ZNF285: variants seen among roughly 807,000 people sequenced by gnomAD.
The protein encoded by ZNF285 is zinc finger protein 285A.
ZNF285 carries 4 observed loss-of-function variants against 6.2 expected under a neutral mutation model. That is an observed-to-expected ratio of 0.65 (90% CI 0.32 to 1.49). The LOEUF is 1.49. ZNF285 is among the 40% of genes most tolerant of loss of function. ZNF285 has a pLI of 0.07. For missense variants in ZNF285, 695 were observed against 708.8 expected, an observed-to-expected ratio of 0.98 and a Z score of 0.22; for synonymous variants, 240 against 245.8, an observed-to-expected ratio of 0.98 and a Z score of 0.22.
intron 3 of ZNF285, among the ~76,000 whole-genome samples, chr19:44,391,618 T>A (rs879506775): frequency 6.6e-6 from 1 of 151,892 alleles, no homozygotes; most frequent in Non-Finnish European, 1.5e-5. Context: ...TTCACTCTCA[T>A]GAGAACAGCA....
At chr19:44,391,218 G>T (rs143111402) in intron 3 of ZNF285, among the ~76,000 whole-genome samples, 2,052 of 151,908 alleles carry the variant, frequency 0.014, 43 homozygotes, top group African/African-American at 0.046. Context: ...TGTGAGACAT[G>T]GCTTTCACCT....
At position 44,387,517 on chromosome 19, in the gene ZNF285, T is replaced by C. The variant is rs1326485239; in HGVS notation, c.728A>G (p.Asp243Gly). 6 of 1,613,876 alleles carry C rather than the reference T, an allele frequency of 3.7e-6. No homozygotes were observed. Among genetic ancestry groups the C allele is most frequent in the South Asian group, 1.1e-5 (1 of 91,074 alleles). Residue 243 changes from aspartate to glycine, a missense_variant, in exon 4 of 4, where the codon GAT (aspartate) becomes GGT (glycine). Physicochemically the swap from Asp to Gly is moderately conservative, Grantham distance 94 (BLOSUM62 -1). Coordinates refer to ENST00000614994, the MANE Select transcript of ZNF285 (RefSeq NM_152354.6). ...GTGATGGACATGAGGATCTGTATCA[T>C]CTGCAAAGGCCACCCCACAGTTATT... The part of the protein sequence containing the change: ...PCNNCGVAFA[D>G]DTDPHVHHST...
At position 44,386,286 on chromosome 19, in the gene ZNF285, G is replaced by A; in HGVS notation, c.*186C>T. 1.6e-6 allele frequency: 1 copy of A among 633,832 alleles called. No homozygotes were observed. The highest frequency in any genetic ancestry group is 3.0e-5 in the Admixed American group (1 of 33,000). The allele number at this position is 633,832 out of a possible 1,614,324, so 39.3% of individuals were successfully genotyped here. A position where few individuals can be genotyped will look rare whatever the true frequency, so the allele number is the denominator to read the frequency against. On this transcript the variant is annotated 3_prime_UTR_variant, in exon 4 of 4. Coordinates refer to ENST00000614994, the MANE Select transcript of ZNF285 (RefSeq NM_152354.6). ...CATTGTAGCATACAGCAGTTGATGGGAGCTTCACAGAAGTTCTTGAAATCC... is the reference window on the plus strand; with the variant it reads ...CATTGTAGCATACAGCAGTTGATGGAAGCTTCACAGAAGTTCTTGAAATCC...
chr19:44,389,209 G>C (rs2123268197), intron 3 of ZNF285, among the ~76,000 whole-genome samples: 1 of 151,978 alleles, frequency 6.6e-6, no homozygotes, highest in East Asian at 1.9e-4. Flanking sequence ...TGGCACCCAG[G>C]GAAGCAAGAC....
At chr19:44,395,848 T>C (rs1971271635) in intron 2 of ZNF285, among the ~76,000 whole-genome samples, 2 of 152,112 alleles carry the variant, frequency 1.3e-5, no homozygotes, top group African/African-American at 4.8e-5. Flanking sequence ...CTCTTGTCCC[T>C]CTGTCTTCAC....
intron 3 of ZNF285, among the ~76,000 whole-genome samples, chr19:44,390,074 T>A (rs1236615167): frequency 6.6e-6 from 1 of 152,160 alleles, no homozygotes; most frequent in African/African-American, 2.4e-5. Context: ...TTCCCACGTG[T>A]CGTGTCCCAT....
chr19:44,386,958 C>A lies in ZNF285; in HGVS notation c.1287G>T (p.Arg429Ser), dbSNP rs1486503556. ...WRFHTGEKPYRCGECGKGFSQ... is the reference protein window; with the variant it reads ...WRFHTGEKPYSCGECGKGFSQ... ...TGAAGCCCTTTCCACACTCACCACACCTATATGGTTTCTCCCCTGTGTGAA... is the reference window on the plus strand; with the variant it reads ...TGAAGCCCTTTCCACACTCACCACAACTATATGGTTTCTCCCCTGTGTGAA... Residue 429 changes from arginine to serine, a missense_variant, in exon 4 of 4, where the codon AGG (arginine) becomes AGT (serine). By Grantham distance (110) the Arg-to-Ser change is moderately radical. Coordinates refer to ENST00000614994, the MANE Select transcript of ZNF285 (RefSeq NM_152354.6). 9 of 1,613,720 alleles carry A rather than the reference C, an allele frequency of 5.6e-6. No homozygotes were observed. In the African/African-American group the frequency reaches 9.4e-5, roughly 17 times the overall value.
In ZNF285 at chr19:44,387,334, G is replaced by A. The variant is rs773023493; in HGVS notation, c.911C>T (p.Pro304Leu). The A allele has an allele frequency of 5.0e-6, 8 of 1,614,046 alleles. No individual in the cohort carries two copies. The highest frequency in any genetic ancestry group is 5.9e-6 in the Non-Finnish European group (7 of 1,180,034). Residue 304 changes from proline to leucine, a missense_variant, in exon 4 of 4, where the codon CCC becomes CTC. Pro to Leu is a moderately conservative substitution (Grantham distance 98, BLOSUM62 -3). Coordinates refer to ENST00000614994, the MANE Select transcript of ZNF285 (RefSeq NM_152354.6). ...TCCTGAGGAGACTTTCTGATATCTG[G>A]GAAGGTCTGAGCTCTGTTTGCAGCC... ...PMGCKQSSDL[P>L]RYQKVSSGDK...
chr19:44,391,773 G>A (rs1971200277), intron 3 of ZNF285, among the ~76,000 whole-genome samples: 1 of 151,936 alleles, frequency 6.6e-6, no homozygotes, highest in Admixed American at 6.6e-5. Context: ...CTAAACTTAG[G>A]TAACATATAA....
chr19:44,397,794 C>T (rs1278000270), intron 1 of ZNF285, among the ~76,000 whole-genome samples: 1 of 150,348 alleles, frequency 6.7e-6, no homozygotes. Flanking sequence ...TGAGGCAGGA[C>T]AATCACTTGG....
At chr19:44,396,885 A>C in intron 2 of ZNF285, 2 of 335,380 alleles carry the variant, frequency 6.0e-6, no homozygotes, top group Non-Finnish European at 1.0e-5. Context: ...GGCAACACCA[A>C]ATTTCTGTAA....
intron 1 of ZNF285, among the ~76,000 whole-genome samples, chr19:44,400,634 G>A (rs1293816672): frequency 6.6e-6 from 1 of 152,116 alleles, no homozygotes; most frequent in Non-Finnish European, 1.5e-5. Flanking sequence ...GAGTGCAGTG[G>A]CGTGATCTCA....
Position 44,385,183 on chromosome 19 carries a change from T to C in ZNF285, c.*1289A>G, listed in dbSNP as rs1417554888. ...CAATGAACACTGTTGGTTTTTTACATGTTGTTGGTCACTTTAGTAAATGTT... is the reference window on the plus strand; with the variant it reads ...CAATGAACACTGTTGGTTTTTTACACGTTGTTGGTCACTTTAGTAAATGTT... On this transcript the variant is annotated 3_prime_UTR_variant, in exon 4 of 4. Transcript: ENST00000614994. The C allele has an allele frequency of 6.6e-6, 1 of 152,204 alleles. No homozygotes were observed. Among genetic ancestry groups the C allele is most frequent in the Non-Finnish European group, 1.5e-5 (1 of 68,028 alleles). The allele number at this position is 152,204 out of a possible 1,614,324, so 9.4% of individuals were successfully genotyped here.
chr19:44,392,252 C>A (rs2437021), intron 3 of ZNF285, 88 bp downstream of exon 3: 92 of 1,572,772 alleles, frequency 5.8e-5, no homozygotes, highest in Non-Finnish European at 7.6e-5. Flanking sequence ...GCCAAAGTTT[C>A]TCTTTGTGGT....
intron 2 of ZNF285, among the ~76,000 whole-genome samples, chr19:44,393,236 T>A (rs1971226991): frequency 6.6e-6 from 1 of 152,134 alleles, no homozygotes; most frequent in Admixed American, 6.6e-5. Flanking sequence ...TAGACATGTG[T>A]GTGTATATAT....
chr19:44,386,435 G>A lies in ZNF285; in HGVS notation c.*37C>T, dbSNP rs367713759. 1.9e-6 allele frequency: 3 copies of A among 1,583,120 alleles called. No homozygotes were observed. The African/African-American group carries it at 4.0e-5, about 21-fold the overall frequency. ...CCTCTATCATCTGGAATACAGTGTG[G>A]CTTCTGTTTTACTAATTGAACCCTG... On this transcript the variant is annotated 3_prime_UTR_variant, in exon 4 of 4. Coordinates refer to ENST00000614994, the MANE Select transcript of ZNF285 (RefSeq NM_152354.6).
chr19:44,396,521 T>C (rs528792903), intron 2 of ZNF285: 3 of 152,260 alleles, frequency 2.0e-5, no homozygotes, highest in African/African-American at 7.2e-5. Context: ...TTATTCTAAC[T>C]AATCTGAGTA....
rs1599951348 is a variant in ZNF285 at position 44,384,295 on chromosome 19, A to G, written c.*2177T>C. The G allele has an allele frequency of 6.6e-6, 1 of 152,222 alleles. No homozygotes were observed. The highest frequency in any genetic ancestry group is 1.9e-4 in the East Asian group (1 of 5,178). 9.4% of individuals were successfully genotyped at this position (152,222 alleles called of 1,614,324 possible). A position where few individuals can be genotyped will look rare whatever the true frequency, so the allele number is the denominator to read the frequency against. On this transcript the variant is annotated 3_prime_UTR_variant, in exon 4 of 4. Coordinates refer to ENST00000614994, the MANE Select transcript of ZNF285 (RefSeq NM_152354.6). ...AGAACATATTTCTTTCTGAAACCATATTTTCCCCACTCATGTAATTACATC... is the reference window on the plus strand; with the variant it reads ...AGAACATATTTCTTTCTGAAACCATGTTTTCCCCACTCATGTAATTACATC...
In ZNF285 at chr19:44,386,248, G is replaced by C. The variant is rs1380966461; in HGVS notation, c.*224C>G. ...ACCACAAACCACCCATTTGTCAAAA[G>C]TAACCTCTTTGCCATTGTAGCATAC... On this transcript the variant is annotated 3_prime_UTR_variant, in exon 4 of 4. Transcript: ENST00000614994. 6.1e-6 allele frequency: 3 copies of C among 492,126 alleles called. No individual in the cohort carries two copies. The highest frequency in any genetic ancestry group is 1.1e-5 in the Non-Finnish European group (3 of 281,578). 30.5% of individuals were successfully genotyped at this position (492,126 alleles called of 1,614,324 possible).
Sources: allele counts gnomAD v4.1 joint callset (sites outside exome capture counted in the v4.1 genomes callset), GRCh38; gene constraint gnomAD v4.1.1; transcripts MANE v1.5; gene names NCBI Gene and HGNC (gene_info 2026-07-23, HGNC 2026-07-21).